Variants in WNT9A observed in about 807,000 individuals in gnomAD.
WNT9A encodes the protein Wnt family member 9A.
Under a neutral mutation model 31.4 loss-of-function variants are expected in WNT9A, and 8 were observed. That is an observed-to-expected ratio of 0.26 (90% CI 0.15 to 0.46). The LOEUF is 0.46. Ranked by LOEUF, WNT9A falls within the 20% of genes least tolerant of loss-of-function variation. The pLI is 0.99. For missense variants in WNT9A, 457 were observed against 522.9 expected (o/e 0.87, Z 1.23); for synonymous variants, 236 against 220.1 (o/e 1.07, Z -0.64).
rs1164125137 is a variant in WNT9A at position 227,928,470 on chromosome 1, C to T, written c.96-2951G>A. Among the ~76,000 whole-genome samples the T allele has an allele frequency of 6.6e-6, 1 of 152,214 alleles. No homozygotes were observed. The highest frequency in any genetic ancestry group is 2.4e-5 in the African/African-American group (1 of 41,464). ...GGAGTATTCACTGAATTCTGTGCTG[C>T]TCTGGCCATGGCCTTCTTAAGCTCC... On this transcript the variant is annotated intron_variant, in intron 1 of 3. Coordinates refer to ENST00000272164, the MANE Select transcript of WNT9A (RefSeq NM_003395.4). The surrounding 1 kb of genome is among the most constrained non-coding windows in gnomAD (Gnocchi z 4.5).
intron 1 of WNT9A, among the ~76,000 whole-genome samples, chr1:227,930,923 C>T (rs948583594): frequency 1.3e-5 from 2 of 150,956 alleles, no homozygotes; most frequent in Non-Finnish European, 1.5e-5. Flanking sequence ...CGCTTGAACC[C>T]GGGAGGCAGA....
At chr1:227,927,970 T>A (rs1666448041) in intron 1 of WNT9A, among the ~76,000 whole-genome samples, 1 of 144,560 alleles carries the variant, frequency 6.9e-6, no homozygotes, top group South Asian at 2.2e-4. Context: ...GGGAGGAGGG[T>A]GAAGGGAAGA....
In WNT9A at chr1:227,925,167, A is replaced by G. The variant is rs1382476478; in HGVS notation, c.352+96T>C. The G allele has an allele frequency of 1.1e-5, 15 of 1,418,422 alleles. No homozygotes were observed. The highest frequency in any genetic ancestry group is 1.4e-5 in the Non-Finnish European group (15 of 1,087,628). 87.9% of individuals were successfully genotyped at this position (1,418,422 alleles called of 1,614,324 possible). A position where few individuals can be genotyped will look rare whatever the true frequency, so the allele number is the denominator to read the frequency against. On this transcript the variant is annotated intron_variant, in intron 2 of 3. Transcript: ENST00000272164. The surrounding 1 kb of genome is among the most constrained non-coding windows in gnomAD (Gnocchi z 6.0). Reference sequence around the variant, plus strand: ...TGGGCAGGCTGGGCCCGGCGTCCCCAGGAGCGCAGCCTAAGAGGGGCCTCT... The same window carrying G: ...TGGGCAGGCTGGGCCCGGCGTCCCCGGGAGCGCAGCCTAAGAGGGGCCTCT...
intron 1 of WNT9A, among the ~76,000 whole-genome samples, chr1:227,940,504 G>A (rs1315192887): frequency 6.6e-6 from 1 of 152,160 alleles, no homozygotes; most frequent in Non-Finnish European, 1.5e-5. Flanking sequence ...TGTCACAGAG[G>A]GAGCATCCCA....
intron 1 of WNT9A, among the ~76,000 whole-genome samples, chr1:227,940,092 T>C (rs1447243410): frequency 6.6e-6 from 1 of 152,180 alleles, no homozygotes. Flanking sequence ...GAAAGCACCG[T>C]GTCCCATGGC....
Position 227,947,920 on chromosome 1 carries a change from C to T in WNT9A, c.-33G>A. ...CGCCTCGGCGGCCGACCATCGCGCT[C>T]CCAGCTCCGCGCAGGGCGCGCCGCG... is the stretch of plus-strand genomic sequence containing the variant. On this transcript the variant is annotated 5_prime_UTR_variant, in exon 1 of 4. Transcript: ENST00000272164. 9.6e-7 allele frequency: 1 copy of T among 1,037,584 alleles called. No individual in the cohort carries two copies. Among genetic ancestry groups the T allele is most frequent in the Non-Finnish European group, 1.2e-6 (1 of 863,194 alleles). 64.3% of individuals were successfully genotyped at this position (1,037,584 alleles called of 1,614,324 possible). A position where few individuals can be genotyped will look rare whatever the true frequency, so the allele number is the denominator to read the frequency against.
At chr1:227,924,105 C>T in intron 3 of WNT9A, 33 bp downstream of exon 3, 1 of 1,270,192 alleles carries the variant, frequency 7.9e-7, no homozygotes, top group Non-Finnish European at 1.1e-6. Context: ...TTCTGACCCT[C>T]CCTTCCCACC....
rs927676980 is a variant in WNT9A, at chr1:227,926,269, C to T, written c.96-750G>A. 3.9e-5 allele frequency among the ~76,000 whole-genome samples: 6 copies of T among 152,082 alleles called. No individual in the cohort carries two copies. Among genetic ancestry groups the T allele is most frequent in the South Asian group, 2.1e-4 (1 of 4,830 alleles). On this transcript the variant is annotated intron_variant, in intron 1 of 3. Transcript: ENST00000272164. This position sits in a 1 kb window ranked among gnomAD's most constrained non-coding sequence, Gnocchi z 5.0. ...ATGAACACCACCCTCCATCTTTACA[C>T]GAGGCCTTGCACCAGTACCCAGCAC...
intron 1 of WNT9A, among the ~76,000 whole-genome samples, chr1:227,930,420 C>T (rs963314203): frequency 2.6e-5 from 4 of 152,182 alleles, no homozygotes; most frequent in African/African-American, 9.7e-5. Context: ...GATGGCCTAT[C>T]CAGAATCCAT....
At chr1:227,944,246 G>C (rs760655741) in intron 1 of WNT9A, among the ~76,000 whole-genome samples, 8 of 152,198 alleles carry the variant, frequency 5.3e-5, no homozygotes, top group Non-Finnish European at 8.8e-5. Flanking sequence ...CGGTGATGCT[G>C]AGTGAGAGAA....
chr1:227,946,572 C>A (rs1666796758), intron 1 of WNT9A, among the ~76,000 whole-genome samples: 2 of 152,302 alleles, frequency 1.3e-5, no homozygotes, highest in South Asian at 4.1e-4. Flanking sequence ...GTGGGGGCCC[C>A]AGGGAACTGA....
chr1:227,931,706 TA>T, intron 1 of WNT9A, among the ~76,000 whole-genome samples: 1 of 152,310 alleles, frequency 6.6e-6, no homozygotes, highest in South Asian at 2.1e-4. Context: ...CATTATGTCT[TA>T]AAAATAATAC....
chr1:227,934,569 GT>G (rs1371654978), intron 1 of WNT9A, among the ~76,000 whole-genome samples: 3 of 152,288 alleles, frequency 2.0e-5, no homozygotes, highest in South Asian at 2.1e-4. Context: ...CTACTCTTAT[GT>G]AATTACTGTT....
intron 3 of WNT9A, 67 bp downstream of exon 3, chr1:227,924,071 C>A: frequency 1.1e-6 from 1 of 888,078 alleles, no homozygotes; most frequent in Non-Finnish European, 1.5e-6. Context: ...GTCCCACGCC[C>A]CACCCCCAAC....
intron 1 of WNT9A, among the ~76,000 whole-genome samples, chr1:227,932,230 A>C (rs778466492): frequency 6.6e-6 from 1 of 152,236 alleles, no homozygotes; most frequent in African/African-American, 2.4e-5. Context: ...TGTCATTTCA[A>C]CAATGTGCAC....
chr1:227,939,842 C>T (rs897240651), intron 1 of WNT9A, among the ~76,000 whole-genome samples: 4 of 152,198 alleles, frequency 2.6e-5, no homozygotes, highest in Admixed American at 6.5e-5. Context: ...ACTGAGAAAC[C>T]GGGGCTGAGA....
chr1:227,933,463 T>C (rs1666543458), intron 1 of WNT9A, among the ~76,000 whole-genome samples: 1 of 152,252 alleles, frequency 6.6e-6, no homozygotes, highest in South Asian at 2.1e-4. Context: ...ATTTGTATGT[T>C]TACTGGAGTA....
Position 227,921,333 on chromosome 1 carries a change from G to A in WNT9A, c.*185C>T, listed in dbSNP as rs1266643513. 5.5e-6 allele frequency: 5 copies of A among 909,552 alleles called. No individual in the cohort carries two copies. The highest frequency in any genetic ancestry group is 2.9e-4 in the Middle Eastern group (1 of 3,486). 56.3% of individuals were successfully genotyped at this position (909,552 alleles called of 1,614,324 possible). On this transcript the variant is annotated 3_prime_UTR_variant, in exon 4 of 4. Transcript: ENST00000272164. ...GACTGAGCCCAGGGACTCACCCCACGCTGCTAGGTCTGAGCCCAGGGACTC... is the reference window on the plus strand; with the variant it reads ...GACTGAGCCCAGGGACTCACCCCACACTGCTAGGTCTGAGCCCAGGGACTC...
At chr1:227,923,396 C>G (rs796319015) in intron 3 of WNT9A, among the ~76,000 whole-genome samples, 16 of 152,272 alleles carry the variant, frequency 1.1e-4, no homozygotes, top group African/African-American at 3.9e-4. Context: ...GGGCTCTGTG[C>G]AGAGTGGGGT....
Sources: gnomAD v4.1 joint callset for allele counts (sites outside exome capture counted in the v4.1 genomes callset) on GRCh38, gnomAD v4.1.1 for gene constraint, Gnocchi (gnomAD v3.1) non-coding constraint, MANE v1.5 for transcripts, NCBI Gene and HGNC (gene_info 2026-07-23, HGNC 2026-07-21) for gene names.